WDR47: variants seen among roughly 807,000 people sequenced by gnomAD.
WDR47 encodes the protein WD repeat domain 47, also known as WD repeat-containing protein 47.
WDR47 carries 32 observed loss-of-function variants against 97.2 expected under a neutral mutation model. That is an observed-to-expected ratio of 0.33 (90% CI 0.25 to 0.44). WDR47 has a LOEUF of 0.44. Among genes scored for constraint, WDR47 ranks in the 20% least tolerant of loss-of-function variants. The probability of loss-of-function intolerance (pLI) is 1.00; values close to 1 mark genes in which losing one functional copy is unlikely to be tolerated. For synonymous variants in WDR47, 375 were observed against 373.5 expected, an observed-to-expected ratio of 1.00 and a Z score of -0.05; for missense variants, 782 against 1,102.3, an observed-to-expected ratio of 0.71 and a Z score of 4.11.
In WDR47 at chr1:108,986,700, T is replaced by TGA. The variant is rs1553228569; in HGVS notation, c.1768-21_1768-20insTC. 1.1e-4 allele frequency: 169 copies of TGA among 1,552,692 alleles called. 4 individuals are homozygous for TGA. The African/African-American group carries it at 2.1e-3, about 19-fold the overall frequency. On this transcript the variant is annotated intron_variant, in intron 9 of 14. Transcript: ENST00000369962. Reference sequence around the variant, plus strand: ...GTCATCCTATGGAAAGAATGAATATTAGTTATCCTATTAAAAAAATGAATT... The same window carrying TGA: ...GTCATCCTATGGAAAGAATGAATATTGAAGTTATCCTATTAAAAAAATGAATT...
chr1:109,021,050 T>G (rs1190045331), intron 2 of WDR47, among the ~76,000 whole-genome samples: 4 of 152,172 alleles, frequency 2.6e-5, no homozygotes, highest in Non-Finnish European at 4.4e-5. Flanking sequence ...CTGTACTTCT[T>G]GTCAAGGATA....
chr1:108,997,552 C>T (rs1381736561), intron 7 of WDR47, among the ~76,000 whole-genome samples: 3 of 151,488 alleles, frequency 2.0e-5, no homozygotes, highest in Non-Finnish European at 4.4e-5. Flanking sequence ...GTCAGGAGAT[C>T]GAGACCATCC....
At position 109,024,083 on chromosome 1, in the gene WDR47, C is replaced by CTT. The variant is rs780896305; in HGVS notation, c.-9-564_-9-563dup. On this transcript the variant is annotated intron_variant, in intron 1 of 14. Transcript: ENST00000369962. ...GAGACATTGGCCTTGCTTTAAGAAG[C>CTT]TTTAGTCTAGCAGTAATACCTAAAT... 1.1e-4 allele frequency among the ~76,000 whole-genome samples: 16 copies of CTT among 152,326 alleles called. 1 individual carries two copies. Among genetic ancestry groups the CTT allele is most frequent in the South Asian group, 6.2e-4 (3 of 4,828 alleles).
At chr1:108,994,168 T>C (rs761279650) in intron 8 of WDR47, among the ~76,000 whole-genome samples, 2 of 151,906 alleles carry the variant, frequency 1.3e-5, no homozygotes, top group Non-Finnish European at 2.9e-5. Flanking sequence ...GAGGCCGAGG[T>C]GAGCGAATCA....
At chr1:109,007,180 A>G (rs772267382) in intron 5 of WDR47, among the ~76,000 whole-genome samples, 1 of 150,736 alleles carries the variant, frequency 6.6e-6, no homozygotes, top group Non-Finnish European at 1.5e-5. Context: ...GGTTCCAGTG[A>G]TCCACCATGC....
At chr1:109,034,845 A>T (rs1662823302) in intron 1 of WDR47, among the ~76,000 whole-genome samples, 1 of 152,204 alleles carries the variant, frequency 6.6e-6, no homozygotes, top group Non-Finnish European at 1.5e-5. Context: ...CCTAAAAAGG[A>T]AAAGTGCATC....
chr1:108,990,513 A>AT (rs955413650), intron 9 of WDR47, among the ~76,000 whole-genome samples: 2 of 151,342 alleles, frequency 1.3e-5, no homozygotes, highest in Admixed American at 1.3e-4. Context: ...CTGGCCTAAT[A>AT]TTTTTTTTTA....
intron 8 of WDR47, among the ~76,000 whole-genome samples, chr1:108,994,842 A>T (rs1245187661): frequency 6.6e-6 from 1 of 152,226 alleles, no homozygotes; most frequent in Non-Finnish European, 1.5e-5. Flanking sequence ...AAAATTCAGA[A>T]AAGAATCAAA....
At position 109,004,447 on chromosome 1, in the gene WDR47, G is replaced by C; in HGVS notation, c.1254+145C>G. ...AGCCACATATTCGTTGAAGAGAGGA[G>C]AGAAAATAAGCTAATAATAAGAAAA... On this transcript the variant is annotated intron_variant, in intron 6 of 14. Coordinates refer to ENST00000369962, the MANE Select transcript of WDR47 (RefSeq NM_001142551.2). 6 of 1,028,706 alleles carry C rather than the reference G, an allele frequency of 5.8e-6. No individual in the cohort carries two copies. In the South Asian group the frequency reaches 1.1e-4, roughly 19 times the overall value. The allele number at this position is 1,028,706 out of a possible 1,614,324, so 63.7% of individuals were successfully genotyped here.
chr1:109,032,443 G>A (rs1449172013), intron 1 of WDR47, among the ~76,000 whole-genome samples: 2 of 132,280 alleles, frequency 1.5e-5, no homozygotes, highest in African/African-American at 5.4e-5. Flanking sequence ...GGGAGGTGGA[G>A]CTTGCAGTGA....
chr1:109,019,337 C>T (rs1318249703), intron 2 of WDR47, among the ~76,000 whole-genome samples: 2 of 146,862 alleles, frequency 1.4e-5, no homozygotes, highest in Admixed American at 6.9e-5. Flanking sequence ...GAGCCGAAGT[C>T]ACGCCACTGC....
intron 1 of WDR47, chr1:109,030,195 C>T (rs1662522292): frequency 1.3e-6 from 2 of 1,522,138 alleles, no homozygotes; most frequent in Admixed American, 1.8e-5. Flanking sequence ...ATATAAATCA[C>T]CACGGTCTTT....
At chr1:108,981,362 C>T (rs1658333939) in intron 13 of WDR47, among the ~76,000 whole-genome samples, 1 of 151,946 alleles carries the variant, frequency 6.6e-6, no homozygotes, top group South Asian at 2.1e-4. Context: ...GAAATTGGTC[C>T]TTTAGTGAAA....
At position 109,023,471 on chromosome 1, in the gene WDR47, G is replaced by T; in HGVS notation, c.42C>A (p.Ile14=). The T allele has an allele frequency of 6.2e-7, 1 of 1,613,614 alleles. No homozygotes were observed. The highest frequency in any genetic ancestry group is 2.2e-5 in the East Asian group (1 of 44,786). ...EETVNVKEVE[I]IKLILDFLNS... ...TCAGGAAGTCCAAAATTAGCTTAAT[G>T]ATTTCAACCTCTTTTACATTCACTG... Residue 14 remains isoleucine (I), a synonymous_variant, in exon 2 of 15, where the codon ATC becomes ATA. Coordinates refer to ENST00000369962, the MANE Select transcript of WDR47 (RefSeq NM_001142551.2).
At chr1:109,034,152 G>A (rs1010739603) in intron 1 of WDR47, among the ~76,000 whole-genome samples, 16 of 150,876 alleles carry the variant, frequency 1.1e-4, no homozygotes, top group African/African-American at 3.9e-4. Flanking sequence ...GCCAGGCGTC[G>A]TGGCACATGC....
chr1:108,999,338 T>C (rs1659996931), intron 7 of WDR47, among the ~76,000 whole-genome samples: 1 of 151,922 alleles, frequency 6.6e-6, no homozygotes, highest in Non-Finnish European at 1.5e-5. Flanking sequence ...GGGCCGGGCA[T>C]GGAAGCTCCA....
At chr1:108,983,712 G>A (rs1036378887) in intron 10 of WDR47, among the ~76,000 whole-genome samples, 2 of 150,584 alleles carry the variant, frequency 1.3e-5, no homozygotes, top group East Asian at 1.9e-4. Flanking sequence ...AAAAATCTCC[G>A]TTTCTCATAT....
chr1:108,986,500 C>G lies in WDR47; in HGVS notation c.1925+23G>C, dbSNP rs757616069. The G allele has an allele frequency of 7.6e-6, 12 of 1,575,406 alleles. No individual in the cohort carries two copies. In the South Asian group the frequency reaches 1.4e-4, roughly 19 times the overall value. On this transcript the variant is annotated intron_variant, in intron 10 of 14. Transcript: ENST00000369962. ...AAATTAAAAACTAAGGTAAGAATGG[C>G]AGCACAAATCATTGATCCTTACCTT...
chr1:108,989,503 G>A (rs1427029995), intron 9 of WDR47, among the ~76,000 whole-genome samples: 2 of 152,154 alleles, frequency 1.3e-5, no homozygotes, highest in African/African-American at 4.8e-5. Context: ...GACTAGAAAT[G>A]TTGCATTTTC....
Sources: allele counts gnomAD v4.1 joint callset (sites outside exome capture counted in the v4.1 genomes callset), GRCh38; gene constraint gnomAD v4.1.1; transcripts MANE v1.5; gene names NCBI Gene and HGNC (gene_info 2026-07-23, HGNC 2026-07-21).